CASS4: variants seen among roughly 807,000 people sequenced by gnomAD.
CASS4 encodes Cas scaffold protein family member 4.
A neutral mutation model predicts 54.2 loss-of-function variants in CASS4; 22 were observed. The ratio of observed to expected loss-of-function variants is 0.41; its 90% CI spans 0.29 to 0.58. The LOEUF is 0.58. Ranked by LOEUF, CASS4 falls within the 20% of genes least tolerant of loss-of-function variation. The probability of loss-of-function intolerance (pLI) is 0.36; values close to 1 mark genes in which losing one functional copy is unlikely to be tolerated. For synonymous variants in CASS4, 409 were observed against 391.5 expected (o/e 1.04, Z -0.53); for missense variants, 854 against 986.7 (o/e 0.87, Z 1.80).
intron 1 of CASS4, among the ~76,000 whole-genome samples, chr20:56,433,649 T>A (rs1980022025): frequency 6.6e-6 from 1 of 152,188 alleles, no homozygotes; most frequent in Admixed American, 6.5e-5. Context: ...AGACACCCCA[T>A]GGGATGCCTG....
chr20:56,433,325 G>T (rs915222505), intron 1 of CASS4, among the ~76,000 whole-genome samples: 2 of 152,184 alleles, frequency 1.3e-5, no homozygotes, highest in African/African-American at 4.8e-5. Flanking sequence ...TGACTGCTTT[G>T]GGGTAGAGAG....
intron 3 of CASS4, among the ~76,000 whole-genome samples, chr20:56,448,270 T>G (rs1600770423): frequency 6.6e-6 from 1 of 152,296 alleles, no homozygotes; most frequent in Non-Finnish European, 1.5e-5. Context: ...TCACCATGAT[T>G]TTTTTGCATT....
rs1980684954 is a variant in CASS4 at position 56,445,917 on chromosome 20, C to G, written c.477C>G (p.Pro159=). 6.2e-7 allele frequency: 1 copy of G among 1,613,934 alleles called. No homozygotes were observed. The highest frequency in any genetic ancestry group is 8.5e-7 in the Non-Finnish European group (1 of 1,179,898). Residue 159 remains proline (P), a synonymous_variant, in exon 3 of 6, where the codon CCC becomes CCG. Transcript: ENST00000679887. ...SFPKQAILTL[P]RPVRASLPTL... is the part of the protein sequence containing the mutation. Reference sequence around the variant, plus strand: ...TCTCCAAGGCCATCCTCACGCTTCCCAGACCTGTCCGGGCCTCACTGCCGA... The same window carrying G: ...TCTCCAAGGCCATCCTCACGCTTCCGAGACCTGTCCGGGCCTCACTGCCGA...
At chr20:56,425,206 C>T (rs768899601) in intron 1 of CASS4, among the ~76,000 whole-genome samples, 8 of 152,326 alleles carry the variant, frequency 5.3e-5, no homozygotes, top group Non-Finnish European at 1.2e-4. Flanking sequence ...CGAGCCTCCC[C>T]CAGGAGCTTT....
At chr20:56,439,369 C>T (rs909256950) in intron 2 of CASS4, among the ~76,000 whole-genome samples, 5 of 151,732 alleles carry the variant, frequency 3.3e-5, no homozygotes, top group African/African-American at 1.2e-4. Context: ...GGAAAAAGAG[C>T]ATTCATTAAA....
At chr20:56,456,632 C>T (rs1483315101) in intron 5 of CASS4, among the ~76,000 whole-genome samples, 1 of 152,130 alleles carries the variant, frequency 6.6e-6, no homozygotes, top group Admixed American at 6.6e-5. Flanking sequence ...GCCTCAGCCT[C>T]CCAAAGTGCT....
At chr20:56,413,757 A>T (rs1600739447) in intron 1 of CASS4, among the ~76,000 whole-genome samples, 1 of 150,712 alleles carries the variant, frequency 6.6e-6, no homozygotes, top group South Asian at 2.1e-4. Context: ...TATAGATTAT[A>T]TGTAAATATC....
At chr20:56,423,988 C>T (rs1979525964) in intron 1 of CASS4, among the ~76,000 whole-genome samples, 1 of 152,160 alleles carries the variant, frequency 6.6e-6, no homozygotes, top group Non-Finnish European at 1.5e-5. Context: ...GGGGCTGAAG[C>T]AGAAACTCAG....
chr20:56,424,085 G>A (rs1979529284), intron 1 of CASS4, among the ~76,000 whole-genome samples: 1 of 152,116 alleles, frequency 6.6e-6, no homozygotes, highest in Non-Finnish European at 1.5e-5. Context: ...TAACTACTTT[G>A]CTAAGTTTTT....
In CASS4 at chr20:56,452,064, C is replaced by T; in HGVS notation, c.888C>T (p.Asn296=). The T allele has an allele frequency of 6.2e-7, 1 of 1,614,208 alleles. No homozygotes were observed. Among genetic ancestry groups the T allele is most frequent in the Non-Finnish European group, 8.5e-7 (1 of 1,180,036 alleles). The change falls in exon 5 of 6, where the codon AAC becomes AAT. Residue 296 remains asparagine, a synonymous_variant. Transcript: ENST00000679887. ...RSRSLTPQLN[N]NVPMQKKLSL... is the part of the protein sequence containing the mutation. Reference sequence around the variant, plus strand: ...GGTCCCTCACTCCACAACTGAATAACAATGTGCCCATGCAGAAAAAACTCA... The same window carrying T: ...GGTCCCTCACTCCACAACTGAATAATAATGTGCCCATGCAGAAAAAACTCA...
intron 1 of CASS4, among the ~76,000 whole-genome samples, chr20:56,435,673 T>C (rs1465282871): frequency 6.6e-6 from 1 of 152,218 alleles, no homozygotes; most frequent in Non-Finnish European, 1.5e-5. Flanking sequence ...ATTAGGAGAC[T>C]GGGTTTGATC....
At chr20:56,428,914 A>G (rs1248984982) in intron 1 of CASS4, among the ~76,000 whole-genome samples, 2 of 143,006 alleles carry the variant, frequency 1.4e-5, no homozygotes, top group Non-Finnish European at 1.5e-5. Context: ...CAATCAGTGT[A>G]CCCCCCGACC....
chr20:56,446,998 A>G (rs1248649851), intron 3 of CASS4, among the ~76,000 whole-genome samples: 2 of 152,128 alleles, frequency 1.3e-5, no homozygotes, highest in African/African-American at 4.8e-5. Flanking sequence ...ACTTGACACT[A>G]GGAGTTCGAG....
chr20:56,451,375 T>C (rs1370357008), intron 4 of CASS4, among the ~76,000 whole-genome samples: 2 of 152,208 alleles, frequency 1.3e-5, no homozygotes, highest in Non-Finnish European at 2.9e-5. Flanking sequence ...ATGTTTATAA[T>C]TGGATTCTAC....
intron 3 of CASS4, among the ~76,000 whole-genome samples, chr20:56,447,542 C>T (rs1007053712): frequency 1.4e-4 from 22 of 152,232 alleles, no homozygotes; most frequent in Non-Finnish European, 4.4e-5. Flanking sequence ...GTATGGCAAG[C>T]TGATTCTTTC....
chr20:56,440,685 T>C (rs1219174012), intron 2 of CASS4, among the ~76,000 whole-genome samples: 2 of 152,236 alleles, frequency 1.3e-5, no homozygotes, highest in African/African-American at 2.4e-5. Context: ...AAGATGAGTT[T>C]ACTATTGAAA....
rs1465575755 is a variant in CASS4, at chr20:56,437,631, A to G, written c.459+45A>G. On this transcript the variant is annotated intron_variant, in intron 2 of 5. Coordinates refer to ENST00000679887, the MANE Select transcript of CASS4 (RefSeq NM_020356.4). This position sits in a 1 kb window ranked among gnomAD's most constrained non-coding sequence, Gnocchi z 4.7. ...CTAGACATGGGTTGAGGGGTATGGA[A>G]ACACCCAGAGGCCTAACTACCTCTT... 6.7e-7 allele frequency: 1 copy of G among 1,483,460 alleles called. No individual in the cohort carries two copies. The highest frequency in any genetic ancestry group is 2.3e-5 in the Admixed American group (1 of 43,102). 91.9% of individuals were successfully genotyped at this position (1,483,460 alleles called of 1,614,324 possible).
chr20:56,435,698 G>T (rs575438307), intron 1 of CASS4, among the ~76,000 whole-genome samples: 2 of 152,126 alleles, frequency 1.3e-5, no homozygotes, highest in Admixed American at 1.3e-4. Context: ...CTTTGTGACC[G>T]CAGGCAAGTC....
chr20:56,443,548 C>T (rs1980564248), intron 2 of CASS4, among the ~76,000 whole-genome samples: 2 of 151,854 alleles, frequency 1.3e-5, no homozygotes, highest in South Asian at 4.2e-4. Flanking sequence ...GACCAATCAG[C>T]CTGAGACCAT....
Sources: allele counts gnomAD v4.1 joint callset (sites outside exome capture counted in the v4.1 genomes callset), GRCh38; gene constraint gnomAD v4.1.1; non-coding constraint Gnocchi (gnomAD v3.1); transcripts MANE v1.5; gene names NCBI Gene and HGNC (gene_info 2026-07-23, HGNC 2026-07-21).